Variants in IKBKE observed in about 807,000 individuals in gnomAD.
IKBKE encodes the protein inhibitor of nuclear factor kappa-B kinase subunit epsilon.
In IKBKE, 45 loss-of-function variants were observed where a neutral mutation model predicts 92.1. That is an observed-to-expected ratio of 0.49 (90% CI 0.38 to 0.63). The LOEUF is 0.63. Ranked by LOEUF, IKBKE falls within the 20% of genes least tolerant of loss-of-function variation. The probability of loss-of-function intolerance (pLI) is 0.00; values close to 1 mark genes in which losing one functional copy is unlikely to be tolerated. For synonymous variants in IKBKE, 374 were observed against 380.3 expected (o/e 0.98, Z 0.19); for missense variants, 700 against 932.8 (o/e 0.75, Z 3.25).
At chr1:206,495,580 TC>T (rs1449143481) in intron 21 of IKBKE, among the ~76,000 whole-genome samples, 5 of 152,168 alleles carry the variant, frequency 3.3e-5, no homozygotes. Context: ...AGAGAACTCA[TC>T]CTCTTAAACA....
intron 8 of IKBKE, 131 bp downstream of exon 8, chr1:206,477,990 C>A: frequency 1.2e-6 from 1 of 863,176 alleles, no homozygotes; most frequent in South Asian, 1.6e-5. Flanking sequence ...CACCACTTTC[C>A]CATCTGGTTG....
rs41296744 is a variant in IKBKE, at chr1:206,478,364, C to T, written c.992+25C>T. The T allele has an allele frequency of 8.3e-4, 1,330 of 1,604,780 alleles. 7 individuals carry two copies. In the African/African-American group the frequency reaches 0.015, roughly 18 times the overall value. On this transcript the variant is annotated intron_variant, in intron 9 of 21. Transcript: ENST00000581977. The surrounding 1 kb of genome is among the most constrained non-coding windows in gnomAD (Gnocchi z 4.8). ...CGTAAGTGGGGGCGAGGGAGGGAAG[C>T]GGTGAGAACCTTCTCTACCCAAGCA...
At chr1:206,495,910 G>T (rs935493058) in intron 21 of IKBKE, among the ~76,000 whole-genome samples, 4 of 152,198 alleles carry the variant, frequency 2.6e-5, no homozygotes, top group Non-Finnish European at 5.9e-5. Flanking sequence ...GTTAGGATTT[G>T]CATGAGCTTT....
At position 206,485,284 on chromosome 1, in the gene IKBKE, G is replaced by A. The variant is rs141003735; in HGVS notation, c.1594G>A (p.Asp532Asn). The change falls in exon 15 of 22, where the codon GAT (aspartate) becomes AAT (asparagine). Residue 532 changes from aspartate to asparagine, a missense_variant. Coordinates refer to ENST00000581977, the MANE Select transcript of IKBKE (RefSeq NM_014002.4). This position sits in a 1 kb window ranked among gnomAD's most constrained non-coding sequence, Gnocchi z 5.0. ...SLNRELVKSRDQVHEDRSIQQ... is the reference protein window; with the variant it reads ...SLNRELVKSRNQVHEDRSIQQ... Reference sequence around the variant, plus strand: ...GAACCGGGAGCTGGTGAAGAGCCGGGATCAGGTACATGAGGACAGAAGGTC... The same window carrying A: ...GAACCGGGAGCTGGTGAAGAGCCGGAATCAGGTACATGAGGACAGAAGGTC... 1 of 1,611,686 alleles carries A rather than the reference G, an allele frequency of 6.2e-7. No individual in the cohort carries two copies. Among genetic ancestry groups the A allele is most frequent in the Non-Finnish European group, 8.5e-7 (1 of 1,177,712 alleles).
intron 16 of IKBKE, among the ~76,000 whole-genome samples, chr1:206,489,084 G>A (rs1461100014): frequency 1.3e-5 from 2 of 151,558 alleles, no homozygotes; most frequent in African/African-American, 4.8e-5. Flanking sequence ...TTGTCACCCA[G>A]GCAGGAGTAC....
intron 17 of IKBKE, chr1:206,491,191 C>T (rs1665934765): frequency 2.3e-6 from 1 of 435,430 alleles, no homozygotes; most frequent in Non-Finnish European, 4.2e-6. Context: ...CTGCCTCCCC[C>T]CGCTCCTCTG....
In IKBKE at chr1:206,496,583, T is replaced by G. The variant is rs778031121; in HGVS notation, c.*438T>G. ...AGGTCAAACGACCTCATCACAGTCT[T>G]CCTTCCTCTTCAAGCGTTTCATGTT... On this transcript the variant is annotated 3_prime_UTR_variant, in exon 22 of 22. Transcript: ENST00000581977. 3 of 245,316 alleles carry G rather than the reference T, an allele frequency of 1.2e-5. No individual in the cohort carries two copies. Among genetic ancestry groups the G allele is most frequent in the South Asian group, 1.5e-4 (1 of 6,698 alleles). 15.2% of individuals were successfully genotyped at this position (245,316 alleles called of 1,614,324 possible). A position where few individuals can be genotyped will look rare whatever the true frequency, so the allele number is the denominator to read the frequency against.
intron 2 of IKBKE, 24 bp downstream of exon 2, chr1:206,471,269 A>G (rs1553383796): frequency 6.6e-6 from 1 of 150,868 alleles, no homozygotes; most frequent in African/African-American, 2.4e-5. Flanking sequence ...GCCACAGCAG[A>G]GCCCTGAGGA....
Position 206,496,849 on chromosome 1 carries a change from C to T in IKBKE, c.*704C>T. ...TGAGTCTGGGCAGGTCCAAGGCCTGCACCTTCAAGAAGTGGAATAAATGTG... is the reference window on the plus strand; with the variant it reads ...TGAGTCTGGGCAGGTCCAAGGCCTGTACCTTCAAGAAGTGGAATAAATGTG... On this transcript the variant is annotated 3_prime_UTR_variant, in exon 22 of 22. Coordinates refer to ENST00000581977, the MANE Select transcript of IKBKE (RefSeq NM_014002.4). The T allele has an allele frequency of 4.4e-6, 1 of 227,046 alleles. No individual in the cohort carries two copies. Among genetic ancestry groups the T allele is most frequent in the East Asian group, 6.3e-5 (1 of 15,896 alleles). 14.1% of individuals were successfully genotyped at this position (227,046 alleles called of 1,614,324 possible).
At chr1:206,489,349 G>GTA (rs1665819174) in intron 16 of IKBKE, among the ~76,000 whole-genome samples, 1 of 25,986 alleles carries the variant, frequency 3.8e-5, no homozygotes, top group Non-Finnish European at 1.3e-4. Flanking sequence ...GTGTATATGT[G>GTA]TGTGTGTGTG....
At chr1:206,475,161 T>A in intron 5 of IKBKE, 167 bp downstream of exon 5, 1 of 683,074 alleles carries the variant, frequency 1.5e-6, no homozygotes, top group Non-Finnish European at 2.3e-6. Context: ...CAGCATTATT[T>A]ACAATAGCCA....
chr1:206,482,692 C>T (rs1665469403), intron 13 of IKBKE, among the ~76,000 whole-genome samples: 1 of 152,244 alleles, frequency 6.6e-6, no homozygotes. Flanking sequence ...TGGCTCCAGC[C>T]CATTGTCACC....
intron 4 of IKBKE, among the ~76,000 whole-genome samples, 169 bp downstream of exon 4, chr1:206,474,640 T>G (rs1664959816): frequency 6.6e-6 from 1 of 151,972 alleles, no homozygotes; most frequent in African/African-American, 2.4e-5. Context: ...GGCGGTGCAC[T>G]GGAAAGGAAC....
intron 18 of IKBKE, chr1:206,492,754 C>A (rs1553390854): frequency 1.7e-6 from 1 of 600,064 alleles, no homozygotes; most frequent in Non-Finnish European, 3.2e-6. Flanking sequence ...AGGTGGCATG[C>A]GTCACCCAGC....
In IKBKE at chr1:206,479,157, A is replaced by G. The variant is rs41297606; in HGVS notation, c.1183+24A>G. 7.3e-3 allele frequency: 11,200 copies of G among 1,534,166 alleles called. 741 individuals carry two copies. The African/African-American group carries it at 0.14, about 19-fold the overall frequency. ...CCGTGAGTAGAGCCACCTGGGCTGG[A>G]TCTTTCTCCTCCCCACATTTTCCTC... On this transcript the variant is annotated intron_variant, in intron 10 of 21. Coordinates refer to ENST00000581977, the MANE Select transcript of IKBKE (RefSeq NM_014002.4).
rs782400045 is a variant in IKBKE at position 206,476,209 on chromosome 1, C to T, written c.387C>T (p.Asn129=). The T allele has an allele frequency of 4.7e-5, 76 of 1,614,014 alleles. No homozygotes were observed. The South Asian group carries it at 4.8e-4, about 10-fold the overall frequency. The change falls in exon 6 of 22, where the codon AAC becomes AAT. Residue 129 remains asparagine (N), a synonymous_variant. Coordinates refer to ENST00000581977, the MANE Select transcript of IKBKE (RefSeq NM_014002.4). This position sits in a 1 kb window ranked among gnomAD's most constrained non-coding sequence, Gnocchi z 5.1. ...VVAGMNHLRE[N]GIVHRDIKPG... The stretch of plus-strand genomic sequence containing the variant: ...CCGGCATGAACCACCTGCGGGAGAA[C>T]GGCATTGTGCATCGCGACATCAAGC...
rs782102173 is a variant in IKBKE at position 206,474,847 on chromosome 1, T to C, written c.229-18T>C. 6.2e-7 allele frequency: 1 copy of C among 1,612,932 alleles called. No homozygotes were observed. Among genetic ancestry groups the C allele is most frequent in the Non-Finnish European group, 8.5e-7 (1 of 1,179,348 alleles). ...GAGAAGTGCCGTCCTCATGAGCCCC[T>C]CTCTGTCCCACCCATAGGGCGGAAG... On this transcript the variant is annotated intron_variant, in intron 4 of 21. Coordinates refer to ENST00000581977, the MANE Select transcript of IKBKE (RefSeq NM_014002.4).
chr1:206,474,284 A>G lies in IKBKE; in HGVS notation c.88-47A>G, dbSNP rs541555506. On this transcript the variant is annotated intron_variant, in intron 3 of 21. Coordinates refer to ENST00000581977, the MANE Select transcript of IKBKE (RefSeq NM_014002.4). The stretch of plus-strand genomic sequence containing the variant: ...GGCTGCTCCCCTGTGGGAGTGGGAC[A>G]TGTGCTAATCCCATGCTGTCTCCCA... The G allele has an allele frequency of 4.1e-4, 636 of 1,567,144 alleles. 5 individuals carry two copies. In the South Asian group the frequency reaches 7.1e-3, roughly 17 times the overall value.
intron 16 of IKBKE, 126 bp downstream of exon 16, chr1:206,488,116 G>C: frequency 1.4e-6 from 1 of 708,926 alleles, no homozygotes; most frequent in Non-Finnish European, 2.5e-6. Context: ...CCTCCAGCTG[G>C]TGGTTCTTGG....
Sources: allele counts gnomAD v4.1 joint callset (sites outside exome capture counted in the v4.1 genomes callset), GRCh38; gene constraint gnomAD v4.1.1; non-coding constraint Gnocchi (gnomAD v3.1); transcripts MANE v1.5; gene names NCBI Gene and HGNC (gene_info 2026-07-23, HGNC 2026-07-21).